VRTN: variants seen among roughly 807,000 people sequenced by gnomAD.
VRTN encodes vertebrae development associated.
In VRTN, 5 loss-of-function variants were observed where a neutral mutation model predicts 18.2. The ratio of observed to expected loss-of-function variants is 0.27; its 90% CI spans 0.14 to 0.58. VRTN has a LOEUF of 0.58. Among genes scored for constraint, VRTN ranks in the 20% least tolerant of loss-of-function variants. The pLI, the probability that VRTN is intolerant of heterozygous loss-of-function variation, is 0.91. For synonymous variants in VRTN, 381 were observed against 393.7 expected (o/e 0.97, Z 0.38); for missense variants, 741 against 939.4 (o/e 0.79, Z 2.76).
rs1270787554 is a variant in VRTN, at chr14:74,306,162, ATATATATATATTT to A, written c.-164+2988_-164+3000del. Reference sequence around the variant, plus strand: ...AAAATATACATATATATATATATATATATATATATATTTTTTTTTTTTTTTTGAGACAGAGTCT... The same window carrying A: ...AAAATATACATATATATATATATATATTTTTTTTTTTTTGAGACAGAGTCT... On this transcript the variant is annotated intron_variant, in intron 1 of 2. Transcript: ENST00000557177. The A allele has an allele frequency of 2.7e-3, 162 of 61,092 alleles. 1 individual carries two copies. The highest frequency in any genetic ancestry group is 0.018 in the African/African-American group (145 of 8,118). The allele number at this position is 61,092 out of a possible 1,614,324, so 3.8% of individuals were successfully genotyped here.
chr14:74,358,948 G>T lies in VRTN; in HGVS notation c.*56G>T. ...GGGGACCAGTTTGGAGAGGGTCAGG[G>T]ACCTGAGCTGACCCCAGGCTTGGCC... is the stretch of plus-strand genomic sequence containing the variant. On this transcript the variant is annotated 3_prime_UTR_variant, in exon 2 of 2. Transcript: ENST00000256362. The surrounding 1 kb of genome is among the most constrained non-coding windows in gnomAD (Gnocchi z 5.4). 1.3e-6 allele frequency: 2 copies of T among 1,534,116 alleles called. No homozygotes were observed. Among genetic ancestry groups the T allele is most frequent in the South Asian group, 1.3e-5 (1 of 78,212 alleles).
chr14:74,330,261 A>C (rs2085513049), intron 1 of VRTN, among the ~76,000 whole-genome samples: 1 of 152,020 alleles, frequency 6.6e-6, no homozygotes, highest in Non-Finnish European at 1.5e-5. Flanking sequence ...AAGGAAGGAA[A>C]GGTTGATTTG....
intron 1 of VRTN, among the ~76,000 whole-genome samples, chr14:74,335,322 C>T (rs1328834622): frequency 6.6e-6 from 1 of 152,180 alleles, no homozygotes; most frequent in African/African-American, 2.4e-5. Flanking sequence ...GTAGCAGACA[C>T]ATCCAATAAC....
intron 1 of VRTN, among the ~76,000 whole-genome samples, chr14:74,334,247 G>A (rs2085549202): frequency 6.6e-6 from 1 of 152,162 alleles, no homozygotes; most frequent in Admixed American, 6.6e-5. Context: ...AATAAACCTA[G>A]GCTGGGCACA....
chr14:74,329,351 T>C (rs2085507311), intron 1 of VRTN, among the ~76,000 whole-genome samples: 1 of 151,760 alleles, frequency 6.6e-6, no homozygotes, highest in Non-Finnish European at 1.5e-5. Context: ...AGGGCTCCAG[T>C]GATCCTCCCA....
At chr14:74,345,208 C>T (rs778382434), upstream of VRTN, among the ~76,000 whole-genome samples, 2 of 151,958 alleles carry the variant, frequency 1.3e-5, no homozygotes, top group African/African-American at 4.8e-5. Context: ...CCATGCCTGG[C>T]CAATTTTTAA....
At chr14:74,348,954 G>A (rs371178337) in intron 1 of VRTN, among the ~76,000 whole-genome samples, 1 of 146,734 alleles carries the variant, frequency 6.8e-6, no homozygotes, top group African/African-American at 2.5e-5. Flanking sequence ...CCCTCCCCAG[G>A]TTCCCCGGGC....
At chr14:74,327,755 T>G (rs2085497052) in intron 1 of VRTN, among the ~76,000 whole-genome samples, 1 of 152,112 alleles carries the variant, frequency 6.6e-6, no homozygotes, top group Admixed American at 6.6e-5. Flanking sequence ...CTCACTTCGT[T>G]GCCCAGGCAG....
intron 1 of VRTN, among the ~76,000 whole-genome samples, chr14:74,311,204 T>G (rs1439632297): frequency 2.6e-5 from 4 of 152,016 alleles, no homozygotes; most frequent in African/African-American, 9.7e-5. Context: ...GAAAAGCATG[T>G]GGTTAAAAAA....
At chr14:74,303,173 T>G in exon 1 of VRTN, 1 of 411,322 alleles carries the variant, frequency 2.4e-6, no homozygotes, top group Admixed American at 4.4e-5. Context: ...GTAACTACTT[T>G]ATGGCAAGTA....
intron 2 of VRTN, among the ~76,000 whole-genome samples, chr14:74,342,531 A>C (rs536181342): frequency 6.6e-6 from 1 of 152,200 alleles, no homozygotes; most frequent in South Asian, 2.1e-4. Context: ...GTACATATAT[A>C]TACACACATA....
At position 74,356,828 on chromosome 14, in the gene VRTN, G is replaced by A. The variant is rs1003916512; in HGVS notation, c.45G>A (p.Leu15=). 6.2e-7 allele frequency: 1 copy of A among 1,610,732 alleles called. No homozygotes were observed. The highest frequency in any genetic ancestry group is 1.3e-5 in the African/African-American group (1 of 74,938). The change falls in exon 2 of 2, where the codon CTG becomes CTA. Residue 15 remains leucine (L), a synonymous_variant. Coordinates refer to ENST00000256362, the MANE Select transcript of VRTN (RefSeq NM_018228.3). ...NQLVQKVLQE[L]QEAVECEGLE... is the part of the protein sequence containing the mutation. ...TGGTGCAGAAGGTGCTGCAGGAGCTGCAGGAAGCAGTGGAGTGCGAAGGCC... is the reference window on the plus strand; with the variant it reads ...TGGTGCAGAAGGTGCTGCAGGAGCTACAGGAAGCAGTGGAGTGCGAAGGCC...
intron 1 of VRTN, among the ~76,000 whole-genome samples, chr14:74,315,212 ACTT>A (rs1044926919): frequency 6.6e-6 from 1 of 152,112 alleles, no homozygotes; most frequent in African/African-American, 2.4e-5. Context: ...TGGCAGTGAT[ACTT>A]CTTTTTTTTT....
chr14:74,335,539 A>T (rs2085558039), intron 1 of VRTN, among the ~76,000 whole-genome samples: 1 of 151,984 alleles, frequency 6.6e-6, no homozygotes, highest in Non-Finnish European at 1.5e-5. Context: ...CTTTCATTTA[A>T]TCCTTATCAC....
At chr14:74,349,946 C>T (rs1007740103) in intron 1 of VRTN, among the ~76,000 whole-genome samples, 1 of 152,084 alleles carries the variant, frequency 6.6e-6, no homozygotes, top group Admixed American at 6.6e-5. Flanking sequence ...TGCCTTGCCT[C>T]CTTGGTTTCA....
At chr14:74,344,212 C>G (rs2085626756), upstream of VRTN, among the ~76,000 whole-genome samples, 1 of 103,084 alleles carries the variant, frequency 9.7e-6, no homozygotes, top group African/African-American at 3.8e-5. Flanking sequence ...AGTTCAAAAC[C>G]AGCCTGGACA....
intron 1 of VRTN, among the ~76,000 whole-genome samples, chr14:74,336,694 C>A (rs2085566982): frequency 6.6e-6 from 1 of 151,948 alleles, no homozygotes; most frequent in Non-Finnish European, 1.5e-5. Flanking sequence ...TCGCTTGAAC[C>A]AGACGGAGGT....
intron 1 of VRTN, among the ~76,000 whole-genome samples, chr14:74,330,788 C>G (rs932476003): frequency 6.6e-6 from 1 of 151,998 alleles, no homozygotes; most frequent in South Asian, 2.1e-4. Flanking sequence ...AGAAGTTGAC[C>G]ACTTGACTCT....
At chr14:74,344,152 T>C (rs2085626215), upstream of VRTN, among the ~76,000 whole-genome samples, 1 of 147,008 alleles carries the variant, frequency 6.8e-6, no homozygotes, top group Admixed American at 7.1e-5. Context: ...CTAATGCCTA[T>C]AATCCTAGCA....
Sources: gnomAD v4.1 joint callset for allele counts (sites outside exome capture counted in the v4.1 genomes callset) on GRCh38, gnomAD v4.1.1 for gene constraint, Gnocchi (gnomAD v3.1) non-coding constraint, MANE v1.5 for transcripts, NCBI Gene and HGNC (gene_info 2026-07-23, HGNC 2026-07-21) for gene names.